Variants in CREB3L2 observed in about 807,000 individuals in gnomAD.
CREB3L2 encodes cyclic AMP-responsive element-binding protein 3-like protein 2.
A neutral mutation model predicts 57.2 loss-of-function variants in CREB3L2; 23 were observed. That is an observed-to-expected ratio of 0.40 (90% confidence interval 0.29 to 0.57). The LOEUF (loss-of-function observed/expected upper bound fraction) is 0.57, where lower values mean the gene tolerates loss of function less well. CREB3L2 is among the 20% of genes least tolerant of loss of function. The pLI is 0.42. For missense variants in CREB3L2, 628 were observed against 634.7 expected (o/e 0.99, Z 0.11); for synonymous variants, 268 against 265.1 (o/e 1.01, Z -0.11).
At position 137,875,713 on chromosome 7, in the gene CREB3L2, A is replaced by G. The variant is rs972868153; in HGVS notation, c.*4763T>C. 4 of 222,894 alleles carry G rather than the reference A, an allele frequency of 1.8e-5. No homozygotes were observed. The highest frequency in any genetic ancestry group is 8.9e-5 in the African/African-American group (4 of 44,796). 13.8% of individuals were successfully genotyped at this position (222,894 alleles called of 1,614,324 possible). On this transcript the variant is annotated 3_prime_UTR_variant, in exon 12 of 12. Coordinates refer to ENST00000330387, the MANE Select transcript of CREB3L2 (RefSeq NM_194071.4). ...TAGTCCAGAAATTGCTGCATTTCCC[A>G]TATTACTTAGTTCTTTATTCATCCT...
chr7:137,965,563 CTTAAG>C (rs1321056991), intron 1 of CREB3L2, among the ~76,000 whole-genome samples: 1 of 152,048 alleles, frequency 6.6e-6, no homozygotes, highest in Non-Finnish European at 1.5e-5. Context: ...GGAATACTTC[CTTAAG>C]TTATTTTACA....
Position 137,885,007 on chromosome 7 carries a change from T to C in CREB3L2, c.1258A>G (p.Thr420Ala). 1 of 1,614,172 alleles carries C rather than the reference T, an allele frequency of 6.2e-7. No individual in the cohort carries two copies. The highest frequency in any genetic ancestry group is 1.3e-5 in the African/African-American group (1 of 75,064). ...CATGCTGTCTTACCCACGGAGGCTG[T>C]GTAGGGCTCCTGCAGGGAATGCTGG... Reference protein sequence around the residue: ...PSQHSLQEPYTASVVRSRNLL... With the variant: ...PSQHSLQEPYAASVVRSRNLL... Residue 420 changes from threonine (T) to alanine (A), a missense_variant, in exon 10 of 12, where the codon ACA (threonine) becomes GCA (alanine). Around this residue, in one of 3 missense-constraint regions of CREB3L2, gnomAD observed 272 missense variants for 242.7 expected, o/e 1.12. Transcript: ENST00000330387.
chr7:137,968,292 T>G (rs1051422510), intron 1 of CREB3L2, among the ~76,000 whole-genome samples: 1 of 152,052 alleles, frequency 6.6e-6, no homozygotes, highest in East Asian at 1.9e-4. Flanking sequence ...ACATGTGCCA[T>G]GTGGGTTTGC....
At position 137,913,066 on chromosome 7, in the gene CREB3L2, A is replaced by G; in HGVS notation, c.508T>C (p.Cys170Arg). 6.2e-7 allele frequency: 1 copy of G among 1,613,320 alleles called. No homozygotes were observed. The highest frequency in any genetic ancestry group is 8.5e-7 in the Non-Finnish European group (1 of 1,179,744). The change falls in exon 4 of 12, where the codon TGC (cysteine) becomes CGC (arginine). Residue 170 changes from cysteine to arginine, a missense_variant. Around this residue, in one of 3 missense-constraint regions of CREB3L2, gnomAD observed 339 missense variants for 355.4 expected, o/e 0.95. Coordinates refer to ENST00000330387, the MANE Select transcript of CREB3L2 (RefSeq NM_194071.4). ...LEMNTGVDSS[C>R]QTIIPKIKLE... ...TTAATTTTAGGAATAATGGTCTGGC[A>G]CGAGGAATCAACCTGGAGGAAGAAT...
intron 1 of CREB3L2, among the ~76,000 whole-genome samples, chr7:137,932,783 G>A (rs906023932): frequency 3.3e-5 from 5 of 152,226 alleles, no homozygotes; most frequent in Non-Finnish European, 5.9e-5. Context: ...GCTACTGTGT[G>A]TTAAACTTCA....
chr7:137,971,541 G>C (rs371654567), intron 1 of CREB3L2, among the ~76,000 whole-genome samples: 1 of 151,874 alleles, frequency 6.6e-6, no homozygotes, highest in Non-Finnish European at 1.5e-5. Flanking sequence ...ATCTTTTTGC[G>C]GCTAGGCTGT....
chr7:137,991,355 G>A (rs1445922820), intron 1 of CREB3L2, among the ~76,000 whole-genome samples: 2 of 151,540 alleles, frequency 1.3e-5, no homozygotes, highest in Non-Finnish European at 2.9e-5. Context: ...TAGTAGAGAC[G>A]GGATTTCACC....
intron 1 of CREB3L2, among the ~76,000 whole-genome samples, chr7:137,972,833 A>C (rs532523258): frequency 4.8e-4 from 72 of 149,796 alleles, no homozygotes; most frequent in African/African-American, 1.6e-3. Flanking sequence ...CAGTCACCTA[A>C]GGGAACTAAA....
chr7:137,930,738 G>A (rs1221483828), intron 1 of CREB3L2, among the ~76,000 whole-genome samples: 1 of 152,104 alleles, frequency 6.6e-6, no homozygotes, highest in Non-Finnish European at 1.5e-5. Flanking sequence ...CAAGAGACAG[G>A]GTCAGGGAGA....
At chr7:137,889,930 A>C (rs556355851) in intron 8 of CREB3L2, among the ~76,000 whole-genome samples, 1 of 152,334 alleles carries the variant, frequency 6.6e-6, no homozygotes, top group African/African-American at 2.4e-5. Context: ...GATGTAAACC[A>C]AAACCTATCT....
chr7:137,960,127 T>C (rs1482730730), intron 1 of CREB3L2, among the ~76,000 whole-genome samples: 1 of 152,154 alleles, frequency 6.6e-6, no homozygotes, highest in Non-Finnish European at 1.5e-5. Context: ...AACCAACCCA[T>C]TAGATAAGTA....
intron 1 of CREB3L2, among the ~76,000 whole-genome samples, chr7:137,994,605 T>C (rs903316167): frequency 2.0e-5 from 3 of 152,168 alleles, no homozygotes; most frequent in African/African-American, 4.8e-5. Flanking sequence ...TCTACATCTA[T>C]AGTCTTCTTT....
intron 8 of CREB3L2, among the ~76,000 whole-genome samples, chr7:137,887,904 T>C (rs1195583343): frequency 1.3e-5 from 2 of 152,182 alleles, no homozygotes; most frequent in African/African-American, 2.4e-5. Flanking sequence ...TATGATTGAA[T>C]GTAGTTTAGA....
intron 1 of CREB3L2, among the ~76,000 whole-genome samples, chr7:137,958,324 T>C (rs1801256727): frequency 6.6e-6 from 1 of 152,206 alleles, no homozygotes; most frequent in Non-Finnish European, 1.5e-5. Flanking sequence ...CTAAGTCTAC[T>C]GTCTTGGGAG....
intron 4 of CREB3L2, among the ~76,000 whole-genome samples, chr7:137,911,897 A>C (rs1800013078): frequency 6.6e-6 from 1 of 152,190 alleles, no homozygotes; most frequent in Non-Finnish European, 1.5e-5. Flanking sequence ...GGCATGAGTG[A>C]AGGCACAGAA....
intron 1 of CREB3L2, among the ~76,000 whole-genome samples, chr7:137,928,661 G>C (rs1408494377): frequency 2.0e-5 from 3 of 152,152 alleles, no homozygotes; most frequent in Non-Finnish European, 4.4e-5. Flanking sequence ...GAGTGTGCTG[G>C]GCTGGGACCC....
intron 6 of CREB3L2, among the ~76,000 whole-genome samples, chr7:137,905,073 C>T (rs1206344976): frequency 1.3e-5 from 2 of 151,722 alleles, no homozygotes; most frequent in Non-Finnish European, 2.9e-5. Flanking sequence ...TGTCTTCCTT[C>T]CCTCTTTGCC....
chr7:137,967,253 C>A (rs1172497900), intron 1 of CREB3L2, among the ~76,000 whole-genome samples: 1 of 152,174 alleles, frequency 6.6e-6, no homozygotes, highest in Non-Finnish European at 1.5e-5. Context: ...CTGTTTAAGC[C>A]ACCCAGTCTA....
intron 1 of CREB3L2, among the ~76,000 whole-genome samples, chr7:137,934,051 T>G (rs1800724234): frequency 6.6e-6 from 1 of 152,256 alleles, no homozygotes; most frequent in African/African-American, 2.4e-5. Context: ...TTTAGTTTAA[T>G]TCCTTCAAAG....
Sources: allele counts gnomAD v4.1 joint callset (sites outside exome capture counted in the v4.1 genomes callset), GRCh38; gene constraint gnomAD v4.1.1; regional missense constraint gnomAD v4.1.1; transcripts MANE v1.5; gene names NCBI Gene and HGNC (gene_info 2026-07-23, HGNC 2026-07-21).